The following PDZRN3 variants were observed in gnomAD, a reference collection of about 807,000 sequenced individuals.
PDZRN3 encodes PDZ domain containing ring finger 3.
PDZRN3 carries 38 observed loss-of-function variants against 85.7 expected under a neutral mutation model. The observed-to-expected ratio is 0.44, with a 90% CI of 0.34 to 0.58. PDZRN3 has a LOEUF of 0.58. PDZRN3 is among the 20% of genes least tolerant of loss of function. The pLI is 0.01. For missense variants in PDZRN3, 1,629 were observed against 1,506.4 expected (o/e 1.08, Z -1.35); for synonymous variants, 759 against 638.0 (o/e 1.19, Z -2.86).
At chr3:73,423,640 TAC>T (rs1033729144) in intron 3 of PDZRN3, among the ~76,000 whole-genome samples, 8 of 152,256 alleles carry the variant, frequency 5.3e-5, no homozygotes, top group African/African-American at 1.9e-4. Context: ...CAACAAATGT[TAC>T]AGTTTGAGAA....
intron 1 of PDZRN3, among the ~76,000 whole-genome samples, chr3:73,615,982 T>C (rs1359197196): frequency 6.6e-6 from 1 of 152,044 alleles, no homozygotes; most frequent in Non-Finnish European, 1.5e-5. Context: ...GTTATGGGGG[T>C]GGACACCTCA....
chr3:73,571,544 C>G (rs1385190199), intron 3 of PDZRN3, among the ~76,000 whole-genome samples: 2 of 152,166 alleles, frequency 1.3e-5, no homozygotes, highest in East Asian at 3.8e-4. Flanking sequence ...AGGGTAAAAT[C>G]CTTAAGTAAA....
At chr3:73,485,066 C>G (rs1468110002) in intron 3 of PDZRN3, among the ~76,000 whole-genome samples, 2 of 152,116 alleles carry the variant, frequency 1.3e-5, no homozygotes, top group Non-Finnish European at 2.9e-5. Context: ...TTTTATTAGT[C>G]TCAGTTCTCT....
Position 73,383,768 on chromosome 3 carries a change from ATGTAGCGCGTCCC to A in PDZRN3, c.2785_2797del (p.Gly929SerfsTer16). 6.2e-7 allele frequency: 1 copy of A among 1,612,998 alleles called. No homozygotes were observed. The highest frequency in any genetic ancestry group is 8.5e-7 in the Non-Finnish European group (1 of 1,179,950). On this transcript the variant is annotated frameshift_variant, in exon 10 of 10. Transcript: ENST00000263666. LOFTEE classifies it high-confidence loss of function. ...GCGGTCCCGCACGGGCCTCTTGGTG[ATGTAGCGCGTCCC>A]GTCGCTGCGGATCTTCACCTTCCAC...
chr3:73,403,840 G>C (rs1052029916), intron 4 of PDZRN3, among the ~76,000 whole-genome samples: 1 of 152,130 alleles, frequency 6.6e-6, no homozygotes. Context: ...AATAACTGCA[G>C]GATCTTCAAA....
At chr3:73,492,093 G>A (rs914067057) in intron 3 of PDZRN3, among the ~76,000 whole-genome samples, 1 of 152,180 alleles carries the variant, frequency 6.6e-6, no homozygotes, top group African/African-American at 2.4e-5. Flanking sequence ...AGTGAAGAAA[G>A]TTTCAACTAG....
At position 73,384,412 on chromosome 3, in the gene PDZRN3, G is replaced by A. The variant is rs755992459; in HGVS notation, c.2154C>T (p.Ser718=). The A allele has an allele frequency of 8.1e-6, 13 of 1,610,188 alleles. No homozygotes were observed. In the Middle Eastern group the frequency reaches 6.6e-4, roughly 82 times the overall value. The change falls in exon 10 of 10, where the codon TCC becomes TCT. Residue 718 remains serine, a synonymous_variant. Transcript: ENST00000263666. ...MQQLKEQYRE[S]WMLHNSGFRN... ...GGAAGCCGCTGTTGTGCAGCATCCAGGACTCGCGGTACTGCTCCTTGAGCT... is the reference window on the plus strand; with the variant it reads ...GGAAGCCGCTGTTGTGCAGCATCCAAGACTCGCGGTACTGCTCCTTGAGCT...
chr3:73,624,130 G>A lies in PDZRN3; in HGVS notation c.696C>T (p.Arg232=), dbSNP rs1702920240. Residue 232 remains arginine, a synonymous_variant, in exon 1 of 10, where the codon CGC becomes CGT. Coordinates refer to ENST00000263666, the MANE Select transcript of PDZRN3 (RefSeq NM_015009.3). The part of the protein sequence containing the change: ...EYSARLDSLS[R]CVAAPPGGKG... Reference sequence around the variant, plus strand: ...TGCCGCCGGGCGGCGCGGCCACGCAGCGGCTGAGCGAGTCGAGGCGCGCGC... The same window carrying A: ...TGCCGCCGGGCGGCGCGGCCACGCAACGGCTGAGCGAGTCGAGGCGCGCGC... 6.8e-7 allele frequency: 1 copy of A among 1,477,284 alleles called. No individual in the cohort carries two copies. The highest frequency in any genetic ancestry group is 2.9e-5 in the East Asian group (1 of 34,068). 91.5% of individuals were successfully genotyped at this position (1,477,284 alleles called of 1,614,324 possible). A position where few individuals can be genotyped will look rare whatever the true frequency, so the allele number is the denominator to read the frequency against.
chr3:73,452,839 C>CTCTGTG (rs1553690746), intron 3 of PDZRN3, among the ~76,000 whole-genome samples: 7,004 of 140,700 alleles, frequency 0.05, 207 homozygotes, highest in Middle Eastern at 0.12. Context: ...GTCCATATAT[C>CTCTGTG]TGTGTGTGTG....
At chr3:73,619,945 T>C (rs1702828775) in intron 1 of PDZRN3, among the ~76,000 whole-genome samples, 2 of 152,226 alleles carry the variant, frequency 1.3e-5, no homozygotes, top group Non-Finnish European at 2.9e-5. Context: ...ATTTTGCCCC[T>C]CAAGGGACGT....
chr3:73,385,629 C>G, intron 9 of PDZRN3, 40 bp downstream of exon 9: 4 of 1,233,496 alleles, frequency 3.2e-6, no homozygotes, highest in Non-Finnish European at 4.8e-6. Context: ...TCCTCCAGCT[C>G]AGCAGGGCAG....
At chr3:73,530,885 T>A (rs1387579661) in intron 3 of PDZRN3, among the ~76,000 whole-genome samples, 1 of 152,218 alleles carries the variant, frequency 6.6e-6, no homozygotes, top group Admixed American at 6.5e-5. Flanking sequence ...AGATAAGGGA[T>A]AAAGCTCTGA....
intron 3 of PDZRN3, among the ~76,000 whole-genome samples, chr3:73,577,624 G>T (rs1305735463): frequency 6.6e-6 from 1 of 152,074 alleles, no homozygotes; most frequent in African/African-American, 2.4e-5. Context: ...CTAGATTTGT[G>T]CCCCGCCCCA....
At chr3:73,463,713 T>C (rs1174795579) in intron 3 of PDZRN3, among the ~76,000 whole-genome samples, 2 of 152,174 alleles carry the variant, frequency 1.3e-5, no homozygotes, top group Admixed American at 6.5e-5. Flanking sequence ...TAAAGACACA[T>C]TCACATGTAT....
intron 3 of PDZRN3, among the ~76,000 whole-genome samples, chr3:73,445,369 C>T (rs1702726467): frequency 6.6e-6 from 1 of 152,036 alleles, no homozygotes; most frequent in Non-Finnish European, 1.5e-5. Flanking sequence ...AACTTAGGCA[C>T]TAAAGGGAAG....
intron 3 of PDZRN3, among the ~76,000 whole-genome samples, chr3:73,483,572 A>G (rs1408095411): frequency 6.6e-6 from 1 of 152,154 alleles, no homozygotes; most frequent in Non-Finnish European, 1.5e-5. Flanking sequence ...GCAAATATAT[A>G]CTTATTTTTT....
chr3:73,585,796 A>T (rs1481215691), intron 3 of PDZRN3, among the ~76,000 whole-genome samples: 1 of 152,240 alleles, frequency 6.6e-6, no homozygotes, highest in African/African-American at 2.4e-5. Context: ...ACGGGTTTTG[A>T]CAGGCAGATA....
intron 2 of PDZRN3, among the ~76,000 whole-genome samples, chr3:73,606,922 C>T (rs1702608566): frequency 6.6e-6 from 1 of 152,206 alleles, no homozygotes; most frequent in Non-Finnish European, 1.5e-5. Context: ...TGGCCACTCC[C>T]GCCCTAGGTA....
intron 3 of PDZRN3, among the ~76,000 whole-genome samples, chr3:73,449,168 G>A (rs139249546): frequency 6.6e-6 from 1 of 152,254 alleles, no homozygotes; most frequent in Non-Finnish European, 1.5e-5. Context: ...TGTCAAAAAG[G>A]GAAATGAAAA....
Sources: gnomAD v4.1 joint callset for allele counts (sites outside exome capture counted in the v4.1 genomes callset) on GRCh38, gnomAD v4.1.1 for gene constraint, MANE v1.5 for transcripts, NCBI Gene and HGNC (gene_info 2026-07-23, HGNC 2026-07-21) for gene names.